The following RNF130 variants were observed in gnomAD, a reference collection of about 807,000 sequenced individuals.
RNF130 encodes ring finger protein 130, also known as E3 ubiquitin-protein ligase RNF130.
In RNF130, 21 loss-of-function variants were observed where a neutral mutation model predicts 44.6. The ratio of observed to expected loss-of-function variants is 0.47; its 90% confidence interval spans 0.33 to 0.68. The LOEUF is 0.68. Ranked by LOEUF, RNF130 falls within the 30% of genes least tolerant of loss-of-function variation. The pLI is 0.02. For missense variants in RNF130, 479 were observed against 560.6 expected (o/e 0.85, Z 1.47); for synonymous variants, 214 against 210.4 (o/e 1.02, Z -0.15).
intron 1 of RNF130, among the ~76,000 whole-genome samples, chr5:180,043,451 C>T (rs1478733521): frequency 6.6e-6 from 1 of 152,098 alleles, no homozygotes; most frequent in East Asian, 1.9e-4. Flanking sequence ...AGTTTCTGTG[C>T]CAAAATATGT....
intron 2 of RNF130, among the ~76,000 whole-genome samples, chr5:180,025,565 A>T (rs1763966264): frequency 6.6e-6 from 1 of 152,176 alleles, no homozygotes. Context: ...TTATTTTATT[A>T]AAGGCTATTT....
chr5:179,942,862 A>T (rs116524457), intron 7 of RNF130, among the ~76,000 whole-genome samples: 2,119 of 152,286 alleles, frequency 0.014, 57 homozygotes, highest in African/African-American at 0.049. Context: ...TCCTGTGGAT[A>T]TAAGATAGGG....
chr5:179,926,079 T>C (rs1182491389), intron 7 of RNF130, among the ~76,000 whole-genome samples: 1 of 151,886 alleles, frequency 6.6e-6, no homozygotes, highest in Non-Finnish European at 1.5e-5. Flanking sequence ...TTGTGTGGGG[T>C]GGGAGAAAGG....
chr5:180,046,129 G>A (rs62405020), intron 1 of RNF130, among the ~76,000 whole-genome samples: 102,325 of 152,060 alleles, frequency 0.67, 34,757 homozygotes, highest in African/African-American at 0.76. Flanking sequence ...GGACCGCGGC[G>A]CGTGCAGGCC....
intron 7 of RNF130, among the ~76,000 whole-genome samples, chr5:179,924,238 G>A (rs975611158): frequency 3.3e-4 from 50 of 152,198 alleles, no homozygotes; most frequent in African/African-American, 1.1e-3. Flanking sequence ...GCTCACGCCT[G>A]TAATCCCAGC....
At chr5:179,994,191 C>CG (rs1467963578) in intron 3 of RNF130, among the ~76,000 whole-genome samples, 1 of 151,318 alleles carries the variant, frequency 6.6e-6, no homozygotes, top group Non-Finnish European at 1.5e-5. Flanking sequence ...TTGGCTTATG[C>CG]GGGCTCTTTT....
intron 3 of RNF130, among the ~76,000 whole-genome samples, chr5:179,981,121 T>G (rs1469672908): frequency 6.6e-6 from 1 of 151,354 alleles, no homozygotes; most frequent in Non-Finnish European, 1.5e-5. Flanking sequence ...GGGGTAGGAG[T>G]GGGTTCCAGG....
intron 8 of RNF130, among the ~76,000 whole-genome samples, chr5:179,957,857 G>C (rs996753605): frequency 1.3e-5 from 2 of 150,732 alleles, no homozygotes; most frequent in African/African-American, 4.9e-5. Flanking sequence ...AGGTTATCAG[G>C]TTGAGAACTA....
downstream of RNF130, among the ~76,000 whole-genome samples, chr5:179,951,942 A>G (rs1385768278): frequency 6.6e-6 from 1 of 152,150 alleles, no homozygotes; most frequent in Non-Finnish European, 1.5e-5. Flanking sequence ...ATAAACAACT[A>G]CATTAAATAA....
At position 179,931,313 on chromosome 5, in the gene RNF130, T is replaced by C. The variant is rs1019309251; in HGVS notation, c.1151-10887A>G. 8.5e-5 allele frequency among the ~76,000 whole-genome samples: 13 copies of C among 152,322 alleles called. No homozygotes were observed. The East Asian group carries it at 2.3e-3, about 27-fold the overall frequency. On this transcript the variant is annotated intron_variant, in intron 7 of 7. Transcript: ENST00000522208. ...TTACCTATTGTATCAAAGGGGAGTCTAGGGACAATGGTAGTATTTGTTTTT... is the reference window on the plus strand; with the variant it reads ...TTACCTATTGTATCAAAGGGGAGTCCAGGGACAATGGTAGTATTTGTTTTT...
chr5:179,979,201 T>G (rs1762777508), intron 4 of RNF130, among the ~76,000 whole-genome samples: 1 of 152,012 alleles, frequency 6.6e-6, no homozygotes, highest in Non-Finnish European at 1.5e-5. Context: ...TCACCACTCC[T>G]CTGCCATTGA....
At chr5:180,045,674 GAC>G (rs1359848673) in intron 1 of RNF130, among the ~76,000 whole-genome samples, 7 of 152,144 alleles carry the variant, frequency 4.6e-5, no homozygotes, top group Admixed American at 4.6e-4. Context: ...CCTTGAGTTA[GAC>G]ACAGAGTGCT....
chr5:180,067,614 A>G (rs939763645), intron 1 of RNF130, among the ~76,000 whole-genome samples: 1 of 152,244 alleles, frequency 6.6e-6, no homozygotes, highest in East Asian at 1.9e-4. Context: ...ACATGTCATA[A>G]GCTGTAAAGT....
At chr5:180,029,290 A>G (rs894767603) in intron 2 of RNF130, among the ~76,000 whole-genome samples, 1 of 152,256 alleles carries the variant, frequency 6.6e-6, no homozygotes, top group Non-Finnish European at 1.5e-5. Flanking sequence ...CTATGGAAAC[A>G]GTGATCTATA....
intron 2 of RNF130, among the ~76,000 whole-genome samples, chr5:180,024,831 C>T (rs1305173782): frequency 6.6e-6 from 1 of 152,170 alleles, no homozygotes. Flanking sequence ...CCTTTTCATT[C>T]TTCCTCTAAA....
At chr5:180,045,522 G>A (rs932499590) in intron 1 of RNF130, among the ~76,000 whole-genome samples, 2 of 152,236 alleles carry the variant, frequency 1.3e-5, no homozygotes, top group Admixed American at 1.3e-4. Flanking sequence ...CAGCGCGGAA[G>A]TGGACCTCTG....
In RNF130 at chr5:179,998,859, TTATA is replaced by T. The variant is rs61232613; in HGVS notation, c.693+14198_693+14201del. ...TCTCTCTCTTTAGATCTAGTATTTT[TTATA>T]TATATATATATATATATATATGTTT... On this transcript the variant is annotated intron_variant, in intron 3 of 8. Transcript: ENST00000521389. Among the ~76,000 whole-genome samples the T allele has an allele frequency of 1.4e-3, 124 of 88,698 alleles. 8 individuals carry two copies. In the East Asian group the frequency reaches 0.015, roughly 11 times the overall value. 58.2% of individuals were successfully genotyped at this position (88,698 alleles called of 152,430 possible). A position where few individuals can be genotyped will look rare whatever the true frequency, so the allele number is the denominator to read the frequency against.
intron 1 of RNF130, among the ~76,000 whole-genome samples, chr5:180,063,605 G>T (rs1765035398): frequency 6.6e-6 from 1 of 152,186 alleles, no homozygotes; most frequent in African/African-American, 2.4e-5. Context: ...TACGGGAGGA[G>T]GTAACAGGAG....
chr5:179,923,792 C>A (rs367766596), intron 7 of RNF130, among the ~76,000 whole-genome samples: 3 of 152,318 alleles, frequency 2.0e-5, no homozygotes, highest in African/African-American at 7.2e-5. Flanking sequence ...CTCAATTAAA[C>A]TCTGTTAAAT....
Sources: allele counts gnomAD v4.1 joint callset (sites outside exome capture counted in the v4.1 genomes callset), GRCh38; gene constraint gnomAD v4.1.1; transcripts MANE v1.5; gene names NCBI Gene and HGNC (gene_info 2026-07-23, HGNC 2026-07-21).